The following COPB2 variants were observed in gnomAD, a reference collection of about 807,000 sequenced individuals.
The protein encoded by COPB2 is coat protein complex I subunit beta 2.
In COPB2, 16 loss-of-function variants were observed where a neutral mutation model predicts 120.8. That is an observed-to-expected ratio of 0.13 (90% CI 0.09 to 0.20). The LOEUF is 0.20. COPB2 is among the 10% of genes least tolerant of loss of function. COPB2 has a pLI of 1.00. For missense variants in COPB2, 794 were observed against 1,076.5 expected (o/e 0.74, Z 3.67); for synonymous variants, 332 against 366.3 (o/e 0.91, Z 1.07).
intron 2 of COPB2, chr3:139,382,073 T>G (rs575515081): frequency 6.6e-6 from 1 of 152,328 alleles, no homozygotes; most frequent in South Asian, 2.1e-4. Context: ...TTATAGGTAC[T>G]GAGATACAGC....
chr3:139,377,933 G>A (rs753715179), intron 5 of COPB2, 108 bp downstream of exon 5: 2 of 1,104,538 alleles, frequency 1.8e-6, no homozygotes, highest in Non-Finnish European at 2.4e-6. Flanking sequence ...ACAGGCTTTT[G>A]AGGAAAATTT....
chr3:139,360,966 G>A (rs1941408553), intron 17 of COPB2, 115 bp downstream of exon 17: 11 of 1,132,848 alleles, frequency 9.7e-6, no homozygotes, highest in South Asian at 5.7e-5. Flanking sequence ...TGACTGCCCC[G>A]TCTATTCAAC....
intron 17 of COPB2, among the ~76,000 whole-genome samples, chr3:139,360,702 TA>T (rs1176545781): frequency 6.6e-6 from 1 of 152,186 alleles, no homozygotes; most frequent in Admixed American, 6.5e-5. Context: ...GTTCTTGCCA[TA>T]AATGGATCAA....
rs149273381 is a variant in COPB2 at position 139,364,503 on chromosome 3, G to T, written c.1885-1986C>A. 4.4e-3 allele frequency among the ~76,000 whole-genome samples: 670 copies of T among 152,230 alleles called. 1 individual carries two copies. The highest frequency in any genetic ancestry group is 0.014 in the African/African-American group (583 of 41,528). On this transcript the variant is annotated intron_variant, in intron 15 of 21. Coordinates refer to ENST00000333188, the MANE Select transcript of COPB2 (RefSeq NM_004766.3). ...AAATATTAAATACTGAGACTCCAAG[G>T]TATCTTCTACTGAGACCCCAAAATG...
intron 5 of COPB2, among the ~76,000 whole-genome samples, chr3:139,376,747 A>ATTT (rs1941718996): frequency 6.6e-6 from 1 of 152,104 alleles, no homozygotes; most frequent in African/African-American, 2.4e-5. Flanking sequence ...TTAATTAATT[A>ATTT]ATTAATTTAT....
intron 2 of COPB2, chr3:139,383,096 T>C (rs947501667): frequency 1.6e-6 from 1 of 619,872 alleles, no homozygotes. Flanking sequence ...TTAAATATTG[T>C]ATATAACATA....
intron 1 of COPB2, chr3:139,385,258 C>T (rs887995084): frequency 1.3e-5 from 2 of 152,288 alleles, no homozygotes; most frequent in Admixed American, 6.5e-5. Context: ...AGGATGGTTT[C>T]GATCTCCTGA....
rs878885962 is a variant in COPB2 at position 139,368,071 on chromosome 3, C to T, written c.1545+74G>A. 8 of 1,466,426 alleles carry T rather than the reference C, an allele frequency of 5.5e-6. No homozygotes were observed. In the South Asian group the frequency reaches 1.2e-4, roughly 21 times the overall value. The allele number at this position is 1,466,426 out of a possible 1,614,324, so 90.8% of individuals were successfully genotyped here. A position where few individuals can be genotyped will look rare whatever the true frequency, so the allele number is the denominator to read the frequency against. On this transcript the variant is annotated intron_variant, in intron 13 of 21. Coordinates refer to ENST00000333188, the MANE Select transcript of COPB2 (RefSeq NM_004766.3). Reference sequence around the variant, plus strand: ...CTAATTTATAACGAAATGTTAAAATCAGTAAAGTCTGTTGTAAGAATATAA... The same window carrying T: ...CTAATTTATAACGAAATGTTAAAATTAGTAAAGTCTGTTGTAAGAATATAA...
intron 5 of COPB2, among the ~76,000 whole-genome samples, chr3:139,376,028 T>C (rs1426709169): frequency 2.6e-5 from 4 of 152,202 alleles, no homozygotes; most frequent in Non-Finnish European, 5.9e-5. Context: ...ATGGAAGTTA[T>C]CACTTGAGCC....
Position 139,358,335 on chromosome 3 carries a change from C to A in COPB2, c.2554-64G>T, listed in dbSNP as rs79695313. 8 of 1,419,194 alleles carry A rather than the reference C, an allele frequency of 5.6e-6. No individual in the cohort carries two copies. The Admixed American group carries it at 1.2e-4, about 21-fold the overall frequency. The allele number at this position is 1,419,194 out of a possible 1,614,324, so 87.9% of individuals were successfully genotyped here. A position where few individuals can be genotyped will look rare whatever the true frequency, so the allele number is the denominator to read the frequency against. ...ATTTACTCGGGAATTTAAAGTTTTCCCCCAAGAAAAGGATGATCAGAATTA... is the reference window on the plus strand; with the variant it reads ...ATTTACTCGGGAATTTAAAGTTTTCACCCAAGAAAAGGATGATCAGAATTA... On this transcript the variant is annotated intron_variant, in intron 20 of 21. Coordinates refer to ENST00000333188, the MANE Select transcript of COPB2 (RefSeq NM_004766.3).
Position 139,366,646 on chromosome 3 carries a change from G to A in COPB2, c.1806C>T (p.Asp602=). The change falls in exon 15 of 22, where the codon GAC becomes GAT. Residue 602 remains aspartate (D), a synonymous_variant. Coordinates refer to ENST00000333188, the MANE Select transcript of COPB2 (RefSeq NM_004766.3). ...GAAGGACCTTATCAGCCATGCTAAA[G>A]TCCCTCCGCATGACAGCTGTCTGGT... is the stretch of plus-strand genomic sequence containing the variant. The part of the protein sequence containing the change: ...LEYQTAVMRR[D]FSMADKVLPT... 6.2e-7 allele frequency: 1 copy of A among 1,614,054 alleles called. No individual in the cohort carries two copies. The highest frequency in any genetic ancestry group is 2.2e-5 in the East Asian group (1 of 44,882).
At chr3:139,377,080 A>G (rs941123189) in intron 5 of COPB2, among the ~76,000 whole-genome samples, 1 of 152,246 alleles carries the variant, frequency 6.6e-6, no homozygotes, top group Non-Finnish European at 1.5e-5. Flanking sequence ...GATAAAAAAA[A>G]GAAGCATGAT....
intron 5 of COPB2, among the ~76,000 whole-genome samples, chr3:139,377,831 G>T (rs763268092): frequency 6.6e-6 from 1 of 152,134 alleles, no homozygotes; most frequent in Non-Finnish European, 1.5e-5. Flanking sequence ...ACAGAAAAAC[G>T]CTCCTCATTA....
intron 13 of COPB2, 48 bp downstream of exon 13, chr3:139,368,097 A>G: frequency 6.3e-7 from 1 of 1,584,130 alleles, no homozygotes; most frequent in Non-Finnish European, 8.6e-7. Flanking sequence ...AAGAATATAA[A>G]TCATTTAAAA....
At chr3:139,383,476 TA>T in intron 1 of COPB2, 41 bp from the exon 2 acceptor site, 1 of 1,479,124 alleles carries the variant, frequency 6.8e-7, no homozygotes, top group Non-Finnish European at 9.0e-7. Flanking sequence ...CTAAGCCAAA[TA>T]AAATATGTTT....
chr3:139,361,739 C>T (rs1363465392), intron 16 of COPB2, among the ~76,000 whole-genome samples: 1 of 152,168 alleles, frequency 6.6e-6, no homozygotes, highest in Non-Finnish European at 1.5e-5. Context: ...TTTAGATGAT[C>T]TTAACGTAGC....
At chr3:139,386,653 G>A (rs772069353) in intron 1 of COPB2, among the ~76,000 whole-genome samples, 5 of 152,066 alleles carry the variant, frequency 3.3e-5, no homozygotes, top group Non-Finnish European at 7.4e-5. Context: ...TCTCTATGGA[G>A]TCAACAGGTA....
rs538676836 is a variant in COPB2, at chr3:139,378,320, C to G, written c.356-131G>C. 4 of 823,498 alleles carry G rather than the reference C, an allele frequency of 4.9e-6. No individual in the cohort carries two copies. The African/African-American group carries it at 5.2e-5, about 11-fold the overall frequency. The allele number at this position is 823,498 out of a possible 1,614,324, so 51.0% of individuals were successfully genotyped here. ...TGACTTACAGAAATAGAATCAAAAC[C>G]AAATAGAGTTTTCAAAATGCTTATT... On this transcript the variant is annotated intron_variant, in intron 4 of 21. Transcript: ENST00000333188.
At position 139,367,123 on chromosome 3, in the gene COPB2, A is replaced by G. The variant is rs1162323799; in HGVS notation, c.1568T>C (p.Ile523Thr). Residue 523 changes from isoleucine to threonine, a missense_variant, in exon 14 of 22, where the codon ATT becomes ACT. This residue lies in a region of COPB2 where 610 missense variants were observed against 866.7 expected (regional missense o/e 0.70). Transcript: ENST00000333188. ...AFEVLGEIQE[I>T]VKTGLWVGDC... is the part of the protein sequence containing the mutation. ...GCCTACCCAAAGCCCTGTTTTCACA[A>G]TTTCCTGAATCTCACCAAGAACCTG... The G allele has an allele frequency of 1.3e-5, 21 of 1,613,858 alleles. No individual in the cohort carries two copies. The highest frequency in any genetic ancestry group is 1.7e-5 in the Non-Finnish European group (20 of 1,179,896).
Sources: allele counts gnomAD v4.1 joint callset (sites outside exome capture counted in the v4.1 genomes callset), GRCh38; gene constraint gnomAD v4.1.1; regional missense constraint gnomAD v4.1.1; transcripts MANE v1.5; gene names NCBI Gene and HGNC (gene_info 2026-07-23, HGNC 2026-07-21).